COQ6: variants seen among roughly 807,000 people sequenced by gnomAD.
COQ6 encodes coenzyme Q6, monooxygenase, also known as ubiquinone biosynthesis monooxygenase COQ6, mitochondrial.
In COQ6, 45 loss-of-function variants were observed where a neutral mutation model predicts 55.5. The ratio of observed to expected loss-of-function variants is 0.81; its 90% CI spans 0.64 to 1.04. The LOEUF is 1.04. Ranked by LOEUF, COQ6 falls within the 50% of genes least tolerant of loss-of-function variation. The pLI is 0.00. For synonymous variants in COQ6, 206 were observed against 230.5 expected, an observed-to-expected ratio of 0.89 and a Z score of 0.96; for missense variants, 550 against 601.3, an observed-to-expected ratio of 0.91 and a Z score of 0.89.
chr14:73,955,718 T>A, intron 3 of COQ6, 87 bp from the exon 4 acceptor site: 2 of 1,590,928 alleles, frequency 1.3e-6, no homozygotes, highest in Non-Finnish European at 1.7e-6. Flanking sequence ...GATTTTCTGC[T>A]CTGTCACTTG....
chr14:73,960,926 T>A (rs1290780729), intron 8 of COQ6: 2 of 590,916 alleles, frequency 3.4e-6, no homozygotes, highest in African/African-American at 3.7e-5. Flanking sequence ...GGGTGGGGAC[T>A]AGTGAAAGGT....
At chr14:73,957,496 C>G (rs1420215539) in intron 4 of COQ6, among the ~76,000 whole-genome samples, 1 of 152,120 alleles carries the variant, frequency 6.6e-6, no homozygotes, top group African/African-American at 2.4e-5. Flanking sequence ...TGTTTTGAGA[C>G]AAGGTCTTGC....
At chr14:73,953,842 G>C in intron 2 of COQ6, 1 of 538,146 alleles carries the variant, frequency 1.9e-6, no homozygotes, top group Non-Finnish European at 3.4e-6. Context: ...TTATGAATTG[G>C]TGGAACTGAA....
chr14:73,959,555 T>C (rs1189437273), intron 8 of COQ6, 33 bp downstream of exon 8: 1 of 1,613,594 alleles, frequency 6.2e-7, no homozygotes, highest in African/African-American at 1.3e-5. Flanking sequence ...GATGATGTGC[T>C]GCAGGGGGAG....
intron 2 of COQ6, 119 bp downstream of exon 2, chr14:73,953,688 G>A: frequency 7.4e-7 from 1 of 1,355,888 alleles, no homozygotes; most frequent in South Asian, 1.2e-5. Context: ...GAGGTGGGTG[G>A]AGAGAGGGGG....
chr14:73,961,122 TC>T, intron 8 of COQ6, 50 bp from the exon 9 acceptor site: 1 of 1,580,524 alleles, frequency 6.3e-7, no homozygotes, highest in Non-Finnish European at 8.6e-7. Context: ...AATTTTTAAT[TC>T]CCTGCTACTC....
rs1314439150 is a variant in COQ6, at chr14:73,958,590, T to C, written c.612+313T>C. The C allele has an allele frequency of 5.4e-6, 7 of 1,289,066 alleles. No homozygotes were observed. The Admixed American group carries it at 1.7e-4, about 30-fold the overall frequency. 79.9% of individuals were successfully genotyped at this position (1,289,066 alleles called of 1,614,324 possible). A position where few individuals can be genotyped will look rare whatever the true frequency, so the allele number is the denominator to read the frequency against. On this transcript the variant is annotated intron_variant, in intron 5 of 11. Coordinates refer to ENST00000334571, the MANE Select transcript of COQ6 (RefSeq NM_182476.3). ...TCTGTGGTCATTGATCTCTTGCCTCTCATTTTTCTCCTTTCTGCTCACAAG... is the reference window on the plus strand; with the variant it reads ...TCTGTGGTCATTGATCTCTTGCCTCCCATTTTTCTCCTTTCTGCTCACAAG...
intron 4 of COQ6, among the ~76,000 whole-genome samples, chr14:73,957,488 T>C (rs2140391284): frequency 6.6e-6 from 1 of 152,304 alleles, no homozygotes; most frequent in Admixed American, 6.5e-5. Flanking sequence ...TTTTGTTTTG[T>C]TTTGAGACAA....
chr14:73,950,549 TG>T, intron 1 of COQ6, 54 bp downstream of exon 1: 2 of 1,545,602 alleles, frequency 1.3e-6, no homozygotes, highest in East Asian at 4.8e-5. Flanking sequence ...GGAGGCACGA[TG>T]AGAGCCGTGA....
In COQ6 at chr14:73,961,763, G is replaced by A; in HGVS notation, c.1237G>A (p.Glu413Lys). 1 of 1,614,176 alleles carries A rather than the reference G, an allele frequency of 6.2e-7. No individual in the cohort carries two copies. ...TTCCGTGAGCCACCTCACAGGTTAT[G>A]AAACAGAAAGACAGCGTCACAACAC... ...LGSVSHLTGY[E>K]TERQRHNTAL... is the part of the protein sequence containing the mutation. The change falls in exon 11 of 12, where the codon GAA becomes AAA. Residue 413 changes from glutamate to lysine, a missense_variant. Physicochemically the swap from Glu to Lys is moderately conservative, Grantham distance 56 (BLOSUM62 1). Coordinates refer to ENST00000334571, the MANE Select transcript of COQ6 (RefSeq NM_182476.3).
In COQ6 at chr14:73,963,109, A is replaced by G; in HGVS notation, c.*110A>G. The G allele has an allele frequency of 1.0e-6, 1 of 966,430 alleles. No individual in the cohort carries two copies. 59.9% of individuals were successfully genotyped at this position (966,430 alleles called of 1,614,324 possible). The stretch of plus-strand genomic sequence containing the variant: ...TAATTTAATAAACTTACTTTACATT[A>G]AAATTCTCTTTTTCTTCTTTGCTTA... On this transcript the variant is annotated 3_prime_UTR_variant, in exon 12 of 12. Transcript: ENST00000334571.
At chr14:73,958,606 T>C (rs1176107830) in intron 5 of COQ6, 1 of 1,287,944 alleles carries the variant, frequency 7.8e-7, no homozygotes, top group Non-Finnish European at 9.9e-7. Flanking sequence ...TTCTCCTTTC[T>C]GCTCACAAGC....
rs778917657 is a variant in COQ6 at position 73,950,340 on chromosome 14, C to A, written c.8C>A (p.Ala3Asp). Residue 3 changes from alanine to aspartate, a missense_variant, in exon 1 of 12, where the codon GCC becomes GAC. Ala to Asp is a moderately radical substitution (Grantham distance 126). Coordinates refer to ENST00000334571, the MANE Select transcript of COQ6 (RefSeq NM_182476.3). The part of the protein sequence containing the change: MA[A>D]RLVSRCGAVR... ...ACGGCGCAGGTCTGCACCATGGCGG[C>A]CCGGCTTGTCAGCCGATGCGGGGCT... The A allele has an allele frequency of 2.6e-6, 4 of 1,551,358 alleles. No individual in the cohort carries two copies. The highest frequency in any genetic ancestry group is 3.5e-6 in the Non-Finnish European group (4 of 1,151,282).
chr14:73,950,649 G>C, intron 1 of COQ6, 154 bp downstream of exon 1: 1 of 1,172,310 alleles, frequency 8.5e-7, no homozygotes, highest in Non-Finnish European at 1.2e-6. Flanking sequence ...GGGCACGCCG[G>C]AATGCGTGTG....
chr14:73,953,836 G>C, intron 2 of COQ6: 1 of 545,660 alleles, frequency 1.8e-6, no homozygotes, highest in South Asian at 2.0e-5. Flanking sequence ...GTGTCATTAT[G>C]AATTGGTGGA....
chr14:73,957,207 C>T (rs1475284462), intron 4 of COQ6, among the ~76,000 whole-genome samples: 4 of 151,924 alleles, frequency 2.6e-5, no homozygotes, highest in Admixed American at 6.6e-5. Context: ...ACACCATTCT[C>T]CTGCCTCAGC....
At chr14:73,961,960 T>C in intron 11 of COQ6, 57 bp downstream of exon 11, 1 of 1,596,442 alleles carries the variant, frequency 6.3e-7, no homozygotes, top group South Asian at 1.1e-5. Flanking sequence ...CTTTTGCTTT[T>C]TTTTGAAACA....
chr14:73,957,076 C>T (rs2140387982), intron 4 of COQ6, among the ~76,000 whole-genome samples: 1 of 151,088 alleles, frequency 6.6e-6, no homozygotes, highest in Admixed American at 6.6e-5. Context: ...CAGACTTCTA[C>T]AGCGAGCTTA....
chr14:73,955,270 C>T, intron 2 of COQ6, 181 bp from the exon 3 acceptor site: 2 of 650,674 alleles, frequency 3.1e-6, no homozygotes, highest in South Asian at 3.6e-5. Flanking sequence ...GGTCTTTTTT[C>T]ATGCTATACA....
Sources: allele counts gnomAD v4.1 joint callset (sites outside exome capture counted in the v4.1 genomes callset), GRCh38; gene constraint gnomAD v4.1.1; transcripts MANE v1.5; gene names NCBI Gene and HGNC (gene_info 2026-07-23, HGNC 2026-07-21).